Variants in ZFP91 observed in about 807,000 individuals in gnomAD.
ZFP91 encodes E3 ubiquitin-protein ligase ZFP91.
Under a neutral mutation model 63.5 loss-of-function variants are expected in ZFP91, and 7 were observed. The ratio of observed to expected loss-of-function variants is 0.11; its 90% CI spans 0.06 to 0.21. The LOEUF (loss-of-function observed/expected upper bound fraction) is 0.21, where lower values mean the gene tolerates loss of function less well. ZFP91 is among the 10% of genes least tolerant of loss of function. The probability of loss-of-function intolerance (pLI) is 1.00; values close to 1 mark genes in which losing one functional copy is unlikely to be tolerated. For missense variants in ZFP91, 628 were observed against 736.6 expected (o/e 0.85, Z 1.71); for synonymous variants, 330 against 272.1 (o/e 1.21, Z -2.10).
intron 2 of ZFP91, among the ~76,000 whole-genome samples, chr11:58,602,849 T>C (rs1855512487): frequency 6.6e-6 from 1 of 152,160 alleles, no homozygotes; most frequent in Admixed American, 6.5e-5. Flanking sequence ...GTATGGTGCA[T>C]GCCTCTAATC....
intron 1 of ZFP91, among the ~76,000 whole-genome samples, chr11:58,584,246 TAAC>T (rs989956405): frequency 2.6e-5 from 4 of 152,110 alleles, no homozygotes; most frequent in African/African-American, 9.7e-5. Flanking sequence ...GATTTGGTCT[TAAC>T]AAACAATTTT....
intron 2 of ZFP91, among the ~76,000 whole-genome samples, chr11:58,597,638 C>T (rs1346593281): frequency 6.6e-6 from 1 of 152,120 alleles, no homozygotes; most frequent in African/African-American, 2.4e-5. Flanking sequence ...TATAGCAATT[C>T]TGTACCCACA....
At chr11:58,584,082 G>C (rs1855163842) in intron 1 of ZFP91, among the ~76,000 whole-genome samples, 1 of 151,918 alleles carries the variant, frequency 6.6e-6, no homozygotes, top group East Asian at 1.9e-4. Flanking sequence ...TGAAAAACCT[G>C]GGGATATGTC....
intron 2 of ZFP91, among the ~76,000 whole-genome samples, chr11:58,586,948 C>T (rs1351274795): frequency 6.6e-6 from 1 of 152,078 alleles, no homozygotes; most frequent in African/African-American, 2.4e-5. Flanking sequence ...ATTGTTTTTA[C>T]TCTTATTTAC....
At chr11:58,580,171 G>A (rs1182205238) in intron 1 of ZFP91, among the ~76,000 whole-genome samples, 1 of 151,198 alleles carries the variant, frequency 6.6e-6, no homozygotes, top group African/African-American at 2.4e-5. Context: ...ATTATGGTCA[G>A]GTTAAAAGCC....
intron 2 of ZFP91, among the ~76,000 whole-genome samples, chr11:58,593,143 T>C (rs1001656550): frequency 6.6e-6 from 1 of 152,160 alleles, no homozygotes; most frequent in Non-Finnish European, 1.5e-5. Context: ...AGGACAAACA[T>C]CCAAACTATA....
chr11:58,597,183 C>T (rs2134403341), intron 2 of ZFP91, among the ~76,000 whole-genome samples: 1 of 152,200 alleles, frequency 6.6e-6, no homozygotes, highest in East Asian at 1.9e-4. Flanking sequence ...TGTTGTACCA[C>T]CAAAAGATTG....
intron 2 of ZFP91, among the ~76,000 whole-genome samples, chr11:58,594,934 T>G (rs1855371282): frequency 6.6e-6 from 1 of 152,182 alleles, no homozygotes; most frequent in Non-Finnish European, 1.5e-5. Context: ...TTACAGGTGT[T>G]TCAGGTTAGT....
intron 2 of ZFP91, among the ~76,000 whole-genome samples, chr11:58,604,366 A>G (rs1855537631): frequency 6.6e-6 from 1 of 152,086 alleles, no homozygotes; most frequent in Non-Finnish European, 1.5e-5. Context: ...GTTGTTGACC[A>G]CCACCAAAAG....
chr11:58,591,749 A>G (rs1855310336), intron 2 of ZFP91, among the ~76,000 whole-genome samples: 2 of 152,202 alleles, frequency 1.3e-5, no homozygotes, highest in African/African-American at 4.8e-5. Context: ...AGCATTATGC[A>G]GGCAAGACAA....
At chr11:58,581,457 TTCAAGCAA>T (rs1855114806) in intron 1 of ZFP91, among the ~76,000 whole-genome samples, 1 of 152,204 alleles carries the variant, frequency 6.6e-6, no homozygotes, top group Non-Finnish European at 1.5e-5. Flanking sequence ...GCCTCCTGGC[TTCAAGCAA>T]TTCTCCTGCC....
At chr11:58,589,354 T>C (rs1855266059) in intron 2 of ZFP91, among the ~76,000 whole-genome samples, 2 of 152,180 alleles carry the variant, frequency 1.3e-5, no homozygotes, top group South Asian at 2.1e-4. Flanking sequence ...CATAAGCCAC[T>C]ACACCCAGCC....
chr11:58,596,819 T>C (rs1280332371), intron 2 of ZFP91, among the ~76,000 whole-genome samples: 1 of 152,162 alleles, frequency 6.6e-6, no homozygotes, highest in Admixed American at 6.5e-5. Context: ...GCAGGAATTT[T>C]CTATAACGAT....
intron 2 of ZFP91, among the ~76,000 whole-genome samples, chr11:58,607,847 C>A (rs575929299): frequency 6.6e-6 from 1 of 152,034 alleles, no homozygotes; most frequent in African/African-American, 2.4e-5. Context: ...ACTAAGGTAT[C>A]ATGGTTTATT....
chr11:58,579,656 C>T (rs755129693), intron 1 of ZFP91, 34 bp downstream of exon 1: 7 of 1,497,354 alleles, frequency 4.7e-6, no homozygotes, highest in South Asian at 1.3e-5. Context: ...TGGGAAAGAC[C>T]CCCCTCTGTC....
At chr11:58,589,790 T>G (rs1345610006) in intron 2 of ZFP91, among the ~76,000 whole-genome samples, 1 of 152,206 alleles carries the variant, frequency 6.6e-6, no homozygotes. Flanking sequence ...AGTTCAGACA[T>G]CCAAACCTCC....
chr11:58,583,946 C>G (rs1467396438), intron 1 of ZFP91, among the ~76,000 whole-genome samples: 1 of 151,880 alleles, frequency 6.6e-6, no homozygotes, highest in Admixed American at 6.6e-5. Context: ...TTGTACTGTT[C>G]AGAGATACTC....
At chr11:58,611,562 A>G (rs751817507) in intron 5 of ZFP91, 42 bp from the exon 6 acceptor site, 1 of 1,590,744 alleles carries the variant, frequency 6.3e-7, no homozygotes, top group Non-Finnish European at 8.5e-7. Context: ...TCTTCCTTGA[A>G]AAGATCTTTT....
rs1371830688 is a variant in ZFP91, at chr11:58,618,574, T to C, written c.*868T>C. The C allele has an allele frequency of 2.5e-6, 1 of 402,702 alleles. No homozygotes were observed. The highest frequency in any genetic ancestry group is 2.2e-5 in the African/African-American group (1 of 45,332). The allele number at this position is 402,702 out of a possible 1,614,324, so 24.9% of individuals were successfully genotyped here. A position where few individuals can be genotyped will look rare whatever the true frequency, so the allele number is the denominator to read the frequency against. ...ATTCCTTATTTATTAACAGGAAGTC[T>C]GATTTTTTTTTTTTGGAGTCTTTGT... is the stretch of plus-strand genomic sequence containing the variant. On this transcript the variant is annotated 3_prime_UTR_variant, in exon 11 of 11. Transcript: ENST00000316059.
Sources: gnomAD v4.1 joint callset for allele counts (sites outside exome capture counted in the v4.1 genomes callset) on GRCh38, gnomAD v4.1.1 for gene constraint, MANE v1.5 for transcripts, NCBI Gene and HGNC (gene_info 2026-07-23, HGNC 2026-07-21) for gene names.